The following MAPK10 variants were observed in gnomAD, a reference collection of about 807,000 sequenced individuals.
MAPK10 encodes mitogen-activated protein kinase 10.
Under a neutral mutation model 59.3 loss-of-function variants are expected in MAPK10, and 25 were observed. The observed-to-expected ratio is 0.42, with a 90% CI of 0.31 to 0.59. The LOEUF is 0.59. Among genes scored for constraint, MAPK10 ranks in the 20% least tolerant of loss-of-function variants. MAPK10 has a pLI of 0.15. For synonymous variants in MAPK10, 190 were observed against 200.5 expected (o/e 0.95, Z 0.44); for missense variants, 351 against 568.9 (o/e 0.62, Z 3.90).
chr4:86,471,043 G>C (rs1357468980), intron 1 of MAPK10, among the ~76,000 whole-genome samples: 1 of 152,056 alleles, frequency 6.6e-6, no homozygotes, highest in Non-Finnish European at 1.5e-5. Context: ...GGCTGACGTG[G>C]GTGGATCACA....
chr4:86,546,105 C>A (rs1208576449), intron 1 of MAPK10, among the ~76,000 whole-genome samples: 1 of 152,008 alleles, frequency 6.6e-6, no homozygotes. Context: ...TGCCTATAGT[C>A]CCAGCTACTT....
intron 1 of MAPK10, among the ~76,000 whole-genome samples, chr4:86,520,089 T>C (rs1443184833): frequency 1.3e-5 from 2 of 152,222 alleles, no homozygotes; most frequent in Non-Finnish European, 2.9e-5. Flanking sequence ...GATGACTATG[T>C]GCCTAGGTTA....
At chr4:86,565,497 CA>C (rs1760995518) in intron 1 of MAPK10, among the ~76,000 whole-genome samples, 1 of 152,128 alleles carries the variant, frequency 6.6e-6, no homozygotes, top group South Asian at 2.1e-4. Flanking sequence ...ATTGATCCAA[CA>C]AAAGGACAAA....
rs541889140 is a variant in MAPK10 at position 86,264,018 on chromosome 4, G to T, written c.-6-69611C>A. 2.6e-5 allele frequency among the ~76,000 whole-genome samples: 4 copies of T among 152,112 alleles called. No homozygotes were observed. In the South Asian group the frequency reaches 6.2e-4, roughly 24 times the overall value. ...ACAATAACAAATTATCACCATTATT[G>T]GTTATAGTTGTTGCTTAAATAGAAA... is the stretch of plus-strand genomic sequence containing the variant. On this transcript the variant is annotated intron_variant, in intron 2 of 13. Coordinates refer to ENST00000641462, the MANE Select transcript of MAPK10 (RefSeq NM_138982.4).
chr4:86,353,185 C>A (rs992696042), intron 2 of MAPK10, among the ~76,000 whole-genome samples: 4 of 152,082 alleles, frequency 2.6e-5, no homozygotes, highest in African/African-American at 9.7e-5. Flanking sequence ...TAGACCTACC[C>A]ATGTAATAGC....
intron 2 of MAPK10, among the ~76,000 whole-genome samples, chr4:86,283,905 T>C (rs2094910006): frequency 6.6e-6 from 1 of 152,140 alleles, no homozygotes; most frequent in Admixed American, 6.6e-5. Context: ...CTGTGCTCCA[T>C]GTGGGAAAAG....
rs562793727 is a variant in MAPK10 at position 86,036,893 on chromosome 4, T to A, written c.1111-5462A>T. Among the ~76,000 whole-genome samples, 13 of 152,362 alleles carry A rather than the reference T, an allele frequency of 8.5e-5. No individual in the cohort carries two copies. The South Asian group carries it at 2.1e-3, about 24-fold the overall frequency. On this transcript the variant is annotated intron_variant, in intron 11 of 13. Coordinates refer to ENST00000641462, the MANE Select transcript of MAPK10 (RefSeq NM_138982.4). ...TACATAGCAATGTTGTGACATGGCA[T>A]GTTAGAGATCTAAGGTATACAGTAA...
At chr4:86,285,932 C>T (rs1277264295) in intron 2 of MAPK10, among the ~76,000 whole-genome samples, 6 of 152,160 alleles carry the variant, frequency 3.9e-5, no homozygotes, top group Non-Finnish European at 5.9e-5. Flanking sequence ...AAACAAATTC[C>T]GCCTTCTTCT....
At chr4:86,519,359 T>G (rs1327434735) in intron 1 of MAPK10, among the ~76,000 whole-genome samples, 1 of 152,234 alleles carries the variant, frequency 6.6e-6, no homozygotes, top group Admixed American at 6.5e-5. Flanking sequence ...CCTTTTATCA[T>G]TATATAATGT....
chr4:86,522,936 C>T (rs1270276326), intron 1 of MAPK10, among the ~76,000 whole-genome samples: 1 of 152,198 alleles, frequency 6.6e-6, no homozygotes, highest in Admixed American at 6.5e-5. Context: ...GCCAGCACTA[C>T]CACACACAGA....
In MAPK10 at chr4:86,352,593, T is replaced by C. The variant is rs556564854; in HGVS notation, c.-7+1937A>G. On this transcript the variant is annotated intron_variant, in intron 2 of 13. Transcript: ENST00000641462. The stretch of plus-strand genomic sequence containing the variant: ...CAAAAGGTGGGATAGTAGCTAGCGG[T>C]TACCTATGGTGGGGAAGGAAAAGTA... Among the ~76,000 whole-genome samples the C allele has an allele frequency of 1.0e-3, 155 of 152,188 alleles. 1 individual carries two copies. Among genetic ancestry groups the C allele is most frequent in the Non-Finnish European group, 1.9e-3 (130 of 68,016 alleles).
At chr4:86,329,246 ATATT>A (rs1228570522) in intron 2 of MAPK10, among the ~76,000 whole-genome samples, 1 of 152,164 alleles carries the variant, frequency 6.6e-6, no homozygotes, top group Non-Finnish European at 1.5e-5. Context: ...ACAAACATCA[ATATT>A]TATTTAAAGT....
At chr4:86,374,459 C>A (rs1167921951) in intron 1 of MAPK10, among the ~76,000 whole-genome samples, 1 of 152,114 alleles carries the variant, frequency 6.6e-6, no homozygotes, top group African/African-American at 2.4e-5. Context: ...TTTGCACACA[C>A]TCAGAACGGG....
intron 2 of MAPK10, chr4:86,268,303 TC>T (rs2094322739): frequency 6.6e-6 from 1 of 152,276 alleles, no homozygotes; most frequent in Non-Finnish European, 1.5e-5. Context: ...CTTCTCACCA[TC>T]TTTACTGTGA....
Position 86,478,970 on chromosome 4 carries a change from C to T in MAPK10, c.-263+114940G>A, listed in dbSNP as rs981469039. Among the ~76,000 whole-genome samples the T allele has an allele frequency of 1.4e-4, 21 of 152,296 alleles. No homozygotes were observed. The East Asian group carries it at 4.1e-3, about 29-fold the overall frequency. On this transcript the variant is annotated intron_variant, in intron 1 of 4. Transcript: ENST00000502302. ...GAGATTATTCAGGCCCCCTCCCTTC[C>T]CTACACATGAAGCTCAGGGATTTGC... is the stretch of plus-strand genomic sequence containing the variant.
At position 86,373,677 on chromosome 4, in the gene MAPK10, G is replaced by C. The variant is rs995067069; in HGVS notation, c.-121-19033C>G. Among the ~76,000 whole-genome samples, 3 of 152,214 alleles carry C rather than the reference G, an allele frequency of 2.0e-5. No individual in the cohort carries two copies. The South Asian group carries it at 6.2e-4, about 32-fold the overall frequency. The stretch of plus-strand genomic sequence containing the variant: ...AAAAGTTCATCATCACTAGTCATTA[G>C]AGAAATGCAAATCAAAACCACAATG... On this transcript the variant is annotated intron_variant, in intron 1 of 13. Coordinates refer to the MAPK10 transcript ENST00000361569.
At chr4:86,555,251 G>T (rs1296308000) in intron 1 of MAPK10, among the ~76,000 whole-genome samples, 8 of 152,106 alleles carry the variant, frequency 5.3e-5, no homozygotes, top group African/African-American at 1.9e-4. Flanking sequence ...TTCAAGACCA[G>T]GCTGACCAAT....
At chr4:86,508,111 C>T (rs979275678) in intron 1 of MAPK10, among the ~76,000 whole-genome samples, 1 of 152,084 alleles carries the variant, frequency 6.6e-6, no homozygotes, top group African/African-American at 2.4e-5. Flanking sequence ...TTTACTATGG[C>T]ATGTGTATTC....
intron 1 of MAPK10, among the ~76,000 whole-genome samples, chr4:86,479,128 C>T (rs912256022): frequency 6.6e-6 from 1 of 152,104 alleles, no homozygotes; most frequent in Non-Finnish European, 1.5e-5. Context: ...AAATGACCCA[C>T]CACGGTCATT....
Sources: gnomAD v4.1 joint callset for allele counts (sites outside exome capture counted in the v4.1 genomes callset) on GRCh38, gnomAD v4.1.1 for gene constraint, MANE v1.5 for transcripts, NCBI Gene and HGNC (gene_info 2026-07-23, HGNC 2026-07-21) for gene names.